CCDC73: variants seen among roughly 807,000 people sequenced by gnomAD.
CCDC73 encodes the protein coiled-coil domain-containing protein 73.
In CCDC73, 95 loss-of-function variants were observed where a neutral mutation model predicts 116.5. That is an observed-to-expected ratio of 0.82 (90% CI 0.69 to 0.97). CCDC73 has a LOEUF of 0.97. Ranked by LOEUF, CCDC73 falls within the 50% of genes least tolerant of loss-of-function variation. The pLI is 0.00. For synonymous variants in CCDC73, 398 were observed against 401.3 expected (o/e 0.99, Z 0.10); for missense variants, 1,066 against 1,206.8 (o/e 0.88, Z 1.73).
At chr11:32,683,427 T>G in intron 7 of CCDC73, 109 bp downstream of exon 7, 1 of 739,178 alleles carries the variant, frequency 1.4e-6, no homozygotes, top group African/African-American at 1.7e-5. Context: ...TAATATTCAG[T>G]TTCAACAATT....
At chr11:32,780,267 C>T (rs1850571302) in intron 1 of CCDC73, among the ~76,000 whole-genome samples, 1 of 151,766 alleles carries the variant, frequency 6.6e-6, no homozygotes, top group Admixed American at 6.6e-5. Flanking sequence ...CAGGAAGGCT[C>T]TGTCTCAAAA....
At chr11:32,621,845 A>C (rs1299381274) in intron 14 of CCDC73, among the ~76,000 whole-genome samples, 1 of 152,244 alleles carries the variant, frequency 6.6e-6, no homozygotes, top group East Asian at 1.9e-4. Flanking sequence ...AAAAGTGGGC[A>C]AAGGATATGA....
chr11:32,644,442 A>AACCTGCACATGTACCTCTG (rs1185857885), intron 12 of CCDC73, among the ~76,000 whole-genome samples: 1 of 138,140 alleles, frequency 7.2e-6, no homozygotes, highest in Non-Finnish European at 1.6e-5. Flanking sequence ...CCTATGTAAC[A>AACCTGCACATGTACCTCTG]AACCTGCACA....
At chr11:32,793,297 T>C (rs938655047) in intron 1 of CCDC73, among the ~76,000 whole-genome samples, 2 of 152,160 alleles carry the variant, frequency 1.3e-5, no homozygotes, top group Non-Finnish European at 2.9e-5. Flanking sequence ...AAGACACCAG[T>C]GAAGGACTAC....
At chr11:32,668,391 A>C (rs988551473) in intron 9 of CCDC73, among the ~76,000 whole-genome samples, 3 of 152,224 alleles carry the variant, frequency 2.0e-5, no homozygotes, top group African/African-American at 7.2e-5. Context: ...GTACCTTAAT[A>C]GATTCAAAGA....
In CCDC73 at chr11:32,614,227, T is replaced by G. The variant is rs1855451879; in HGVS notation, c.2091A>C (p.Glu697Asp). The G allele has an allele frequency of 1.2e-6, 2 of 1,613,858 alleles. No individual in the cohort carries two copies. Among genetic ancestry groups the G allele is most frequent in the Non-Finnish European group, 1.7e-6 (2 of 1,179,828 alleles). Residue 697 changes from glutamate to aspartate, a missense_variant, in exon 16 of 18, where the codon GAA becomes GAC. Transcript: ENST00000335185. ...QVCNDTLEKSELTVPCDIVID... is the reference protein window; with the variant it reads ...QVCNDTLEKSDLTVPCDIVID... ...TTACTATATCACAGGGAACAGTTAGTTCAGATTTCTCTAAAGTATCATTAC... is the reference window on the plus strand; with the variant it reads ...TTACTATATCACAGGGAACAGTTAGGTCAGATTTCTCTAAAGTATCATTAC...
chr11:32,646,139 C>T (rs1478704642), intron 12 of CCDC73, among the ~76,000 whole-genome samples: 2 of 152,204 alleles, frequency 1.3e-5, no homozygotes, highest in Admixed American at 1.3e-4. Flanking sequence ...TCAATCATTT[C>T]TTGTCTGCAC....
chr11:32,629,930 A>G (rs868372605), intron 14 of CCDC73, among the ~76,000 whole-genome samples: 1 of 149,022 alleles, frequency 6.7e-6, no homozygotes, highest in Middle Eastern at 3.4e-3. Context: ...GCAAAAAAAA[A>G]AAAACAAAAA....
chr11:32,781,022 C>A (rs1850578626), intron 1 of CCDC73, among the ~76,000 whole-genome samples: 1 of 152,132 alleles, frequency 6.6e-6, no homozygotes, highest in African/African-American at 2.4e-5. Context: ...GCAGTCCCAG[C>A]TACTTGGGAG....
At chr11:32,621,502 C>G (rs2133228184) in intron 14 of CCDC73, among the ~76,000 whole-genome samples, 1 of 152,268 alleles carries the variant, frequency 6.6e-6, no homozygotes, top group Non-Finnish European at 1.5e-5. Context: ...CCCTTCCTTA[C>G]ACCTTATACA....
chr11:32,775,073 T>G (rs1224944324), intron 1 of CCDC73, among the ~76,000 whole-genome samples: 1 of 152,172 alleles, frequency 6.6e-6, no homozygotes, highest in African/African-American at 2.4e-5. Context: ...AGTTTATCAT[T>G]TACATTAAAT....
At chr11:32,612,349 C>A (rs1464963419) in intron 16 of CCDC73, among the ~76,000 whole-genome samples, 1 of 151,838 alleles carries the variant, frequency 6.6e-6, no homozygotes, top group African/African-American at 2.4e-5. Flanking sequence ...AATTAAAAAA[C>A]CATTTTCCTC....
chr11:32,730,807 A>G (rs562930204), intron 2 of CCDC73, among the ~76,000 whole-genome samples: 49 of 152,304 alleles, frequency 3.2e-4, no homozygotes, highest in African/African-American at 1.0e-3. Flanking sequence ...TCCAAGAAGG[A>G]CAAATAGGAA....
intron 2 of CCDC73, among the ~76,000 whole-genome samples, chr11:32,754,648 C>CTAA (rs1206869981): frequency 6.6e-6 from 1 of 152,050 alleles, no homozygotes; most frequent in African/African-American, 2.4e-5. Flanking sequence ...AGGAAAAATT[C>CTAA]AATTGACAGA....
At chr11:32,735,760 T>C (rs533696329) in intron 2 of CCDC73, among the ~76,000 whole-genome samples, 9 of 152,252 alleles carry the variant, frequency 5.9e-5, no homozygotes, top group Admixed American at 3.9e-4. Flanking sequence ...CTTCAAACTA[T>C]ACTACATGGC....
the CCDC73 span, among the ~76,000 whole-genome samples, chr11:32,809,220 G>A: frequency 1.3e-5 from 2 of 152,234 alleles, no homozygotes; most frequent in East Asian, 3.8e-4. Context: ...GGGAACCTGT[G>A]TTCTTGTGTG....
chr11:32,813,153 G>T, the CCDC73 span, among the ~76,000 whole-genome samples: 1 of 151,998 alleles, frequency 6.6e-6, no homozygotes, highest in East Asian at 1.9e-4. Flanking sequence ...TTTGTGAATT[G>T]TCTTTTCAAT....
chr11:32,796,783 G>A (rs1444595138), upstream of CCDC73, among the ~76,000 whole-genome samples: 2 of 152,136 alleles, frequency 1.3e-5, no homozygotes, highest in Non-Finnish European at 2.9e-5. Context: ...GCCAAGGTGA[G>A]TGGACCACTT....
Position 32,714,078 on chromosome 11 carries a change from A to G in CCDC73, c.207+3998T>C, listed in dbSNP as rs867495700. Among the ~76,000 whole-genome samples the G allele has an allele frequency of 8.5e-5, 13 of 152,238 alleles. 1 individual carries two copies. In the South Asian group the frequency reaches 2.1e-3, roughly 24 times the overall value. ...AACCTGAGGATCTATCTCCAGGGAC[A>G]GGGTTACTCATTTTACTGGGACTGT... On this transcript the variant is annotated intron_variant, in intron 3 of 17. Transcript: ENST00000335185.
Sources: gnomAD v4.1 joint callset for allele counts (sites outside exome capture counted in the v4.1 genomes callset) on GRCh38, gnomAD v4.1.1 for gene constraint, MANE v1.5 for transcripts, NCBI Gene and HGNC (gene_info 2026-07-23, HGNC 2026-07-21) for gene names.